The following GRM5 variants were observed in gnomAD, a reference collection of about 807,000 sequenced individuals.
The protein encoded by GRM5 is metabotropic glutamate receptor 5.
Under a neutral mutation model 83.1 loss-of-function variants are expected in GRM5, and 19 were observed. That is an observed-to-expected ratio of 0.23 (90% confidence interval 0.16 to 0.34). The LOEUF (loss-of-function observed/expected upper bound fraction) is 0.34. Among genes scored for constraint, GRM5 ranks in the 10% least tolerant of loss-of-function variants. The pLI is 1.00. For missense variants in GRM5, 1,160 were observed against 1,588.3 expected, an observed-to-expected ratio of 0.73 and a Z score of 4.58; for synonymous variants, 675 against 633.6, an observed-to-expected ratio of 1.07 and a Z score of -0.98.
intron 4 of GRM5, among the ~76,000 whole-genome samples, chr11:88,614,972 G>A (rs1345521784): frequency 6.6e-6 from 1 of 152,056 alleles, no homozygotes; most frequent in Non-Finnish European, 1.5e-5. Context: ...AAATGGCAAC[G>A]ATATTGAATT....
At chr11:88,914,025 C>G (rs1471915145) in intron 2 of GRM5, among the ~76,000 whole-genome samples, 2 of 152,190 alleles carry the variant, frequency 1.3e-5, no homozygotes, top group Admixed American at 6.6e-5. Flanking sequence ...GAACCATCTT[C>G]ATTTGAATCA....
chr11:88,949,433 G>A (rs371832066), intron 2 of GRM5, among the ~76,000 whole-genome samples: 33 of 152,174 alleles, frequency 2.2e-4, no homozygotes, highest in African/African-American at 6.7e-4. Flanking sequence ...ATTGTGTGTC[G>A]TTTTGAAATA....
At chr11:88,604,606 A>G (rs1049421656) in intron 5 of GRM5, 112 bp downstream of exon 5, 2 of 881,730 alleles carry the variant, frequency 2.3e-6, no homozygotes, top group Admixed American at 2.3e-5. Context: ...GGGAAGGGGA[A>G]ACATTACCAG....
chr11:88,987,492 C>T (rs1439503281), intron 2 of GRM5, among the ~76,000 whole-genome samples: 168 of 145,808 alleles, frequency 1.2e-3, no homozygotes, highest in African/African-American at 1.9e-3. Context: ...GAAGCTCGAA[C>T]TGGGTGGAGC....
At position 88,662,135 on chromosome 11, in the gene GRM5, A is replaced by G. The variant is rs558813837; in HGVS notation, c.912-8732T>C. On this transcript the variant is annotated intron_variant, in intron 3 of 9. Transcript: ENST00000305447. ...TAATTTCCACTGTATGACTTTTTCTAAAGTTCTGCAGGCCTTAGAGATAAT... is the reference window on the plus strand; with the variant it reads ...TAATTTCCACTGTATGACTTTTTCTGAAGTTCTGCAGGCCTTAGAGATAAT... Among the ~76,000 whole-genome samples, 8 of 152,288 alleles carry G rather than the reference A, an allele frequency of 5.3e-5. No homozygotes were observed. The South Asian group carries it at 8.3e-4, about 16-fold the overall frequency.
In GRM5 at chr11:88,896,503, C is replaced by G. The variant is rs557370008; in HGVS notation, c.662-46348G>C. ...ATAGGAGAATCTATTATCTATCTAT[C>G]TGTCTATCTATTAATATAGAGAGGT... On this transcript the variant is annotated intron_variant, in intron 2 of 9. Coordinates refer to ENST00000305447, the MANE Select transcript of GRM5 (RefSeq NM_001143831.3). Among the ~76,000 whole-genome samples, 123 of 146,100 alleles carry G rather than the reference C, an allele frequency of 8.4e-4. 1 individual carries two copies. The Middle Eastern group carries it at 0.031, about 37-fold the overall frequency.
intron 3 of GRM5, among the ~76,000 whole-genome samples, chr11:88,741,750 T>C (rs187447757): frequency 6.6e-6 from 1 of 152,156 alleles, no homozygotes; most frequent in East Asian, 1.9e-4. Context: ...AGTGAGGTAG[T>C]TCTCTAATAA....
intron 3 of GRM5, among the ~76,000 whole-genome samples, chr11:88,779,535 A>T (rs996166846): frequency 2.6e-5 from 4 of 152,062 alleles, no homozygotes; most frequent in Admixed American, 6.6e-5. Context: ...CAATAACAGA[A>T]TTTTTTTCTG....
chr11:88,556,324 C>CTTTT (rs377331160), intron 8 of GRM5, among the ~76,000 whole-genome samples: 2 of 129,748 alleles, frequency 1.5e-5, no homozygotes, highest in Non-Finnish European at 3.3e-5. Context: ...CTTTTCTTTT[C>CTTTT]TTTTTTTTTT....
At chr11:88,857,616 A>G (rs1001191894) in intron 2 of GRM5, among the ~76,000 whole-genome samples, 4 of 151,754 alleles carry the variant, frequency 2.6e-5, no homozygotes, top group African/African-American at 9.7e-5. Flanking sequence ...GTTTGATGCC[A>G]TTTTTCCCAC....
intron 2 of GRM5, among the ~76,000 whole-genome samples, chr11:88,971,191 A>T (rs928773070): frequency 1.3e-5 from 2 of 152,232 alleles, no homozygotes; most frequent in African/African-American, 4.8e-5. Flanking sequence ...AATATGATAG[A>T]GCTCCAGTTA....
intron 3 of GRM5, among the ~76,000 whole-genome samples, chr11:88,666,343 CACA>C (rs1178701040): frequency 6.6e-6 from 1 of 152,134 alleles, no homozygotes; most frequent in Non-Finnish European, 1.5e-5. Context: ...TGTGCTGTAT[CACA>C]ACAAGGTGGA....
At chr11:88,525,845 T>C (rs1391240921) in intron 8 of GRM5, among the ~76,000 whole-genome samples, 1 of 152,240 alleles carries the variant, frequency 6.6e-6, no homozygotes, top group East Asian at 1.9e-4. Flanking sequence ...ATTTCCATTT[T>C]ACTGATGAAG....
At chr11:88,923,469 T>C (rs1945728396) in intron 2 of GRM5, among the ~76,000 whole-genome samples, 1 of 152,134 alleles carries the variant, frequency 6.6e-6, no homozygotes, top group Admixed American at 6.5e-5. Flanking sequence ...ACTCATGTTC[T>C]CACTCATTTG....
chr11:88,561,501 C>A (rs1047950360), intron 8 of GRM5, among the ~76,000 whole-genome samples: 4 of 152,116 alleles, frequency 2.6e-5, no homozygotes, highest in African/African-American at 9.7e-5. Context: ...TTCCATGTGC[C>A]TGGAAATTCT....
At chr11:88,590,491 C>T in intron 7 of GRM5, 110 bp downstream of exon 7, 1 of 809,612 alleles carries the variant, frequency 1.2e-6, no homozygotes, top group African/African-American at 1.7e-5. Context: ...ATTATTTGTT[C>T]CATAAATAAG....
At chr11:88,920,862 T>C (rs1945678702) in intron 2 of GRM5, among the ~76,000 whole-genome samples, 1 of 152,194 alleles carries the variant, frequency 6.6e-6, no homozygotes, top group South Asian at 2.1e-4. Context: ...TCACCTCACA[T>C]TACCCAATGG....
chr11:88,957,967 A>G (rs1267863828), intron 2 of GRM5, among the ~76,000 whole-genome samples: 1 of 152,118 alleles, frequency 6.6e-6, no homozygotes, highest in Non-Finnish European at 1.5e-5. Context: ...GAATCTTTTT[A>G]AGAACTATTT....
intron 2 of GRM5, among the ~76,000 whole-genome samples, chr11:88,850,608 TATAA>T (rs1167880089): frequency 6.7e-6 from 1 of 149,978 alleles, no homozygotes; most frequent in Non-Finnish European, 1.5e-5. Flanking sequence ...GATGTTGCCA[TATAA>T]ATATTTTATA....
Sources: allele counts gnomAD v4.1 joint callset (sites outside exome capture counted in the v4.1 genomes callset), GRCh38; gene constraint gnomAD v4.1.1; transcripts MANE v1.5; gene names NCBI Gene and HGNC (gene_info 2026-07-23, HGNC 2026-07-21).